Variants in CYP4F22 observed in about 807,000 individuals in gnomAD.
The protein encoded by CYP4F22 is cytochrome P450 family 4 subfamily F member 22.
A neutral mutation model predicts 60.4 loss-of-function variants in CYP4F22; 37 were observed. That is an observed-to-expected ratio of 0.61 (90% CI 0.47 to 0.81). The LOEUF (loss-of-function observed/expected upper bound fraction) is 0.81. CYP4F22 is among the 30% of genes least tolerant of loss of function. The pLI is 0.00. For synonymous variants in CYP4F22, 258 were observed against 280.5 expected (o/e 0.92, Z 0.80); for missense variants, 655 against 715.0 (o/e 0.92, Z 0.96).
chr19:15,537,217 C>A, intron 4 of CYP4F22, 144 bp from the exon 5 acceptor site: 1 of 1,066,802 alleles, frequency 9.4e-7, no homozygotes, highest in Non-Finnish European at 1.4e-6. Context: ...AGGAAAACTG[C>A]TTGAACCTGG....
intron 12 of CYP4F22, among the ~76,000 whole-genome samples, chr19:15,549,741 G>A (rs941873279): frequency 1.3e-5 from 2 of 151,812 alleles, no homozygotes; most frequent in Admixed American, 6.6e-5. Flanking sequence ...AAGATGGGAA[G>A]ATTGTTTGAG....
chr19:15,547,990 AGAGAGGGAGAGAGTGTGTGTGTGTGTGT>A, intron 10 of CYP4F22, 90 bp from the exon 11 acceptor site: 42 of 339,142 alleles, frequency 1.2e-4, no homozygotes, highest in Admixed American at 2.5e-4. Context: ...AGAGAGAGAG[AGAGAGGGAGAGAGTGTGTGTGTGTGTGT>A]GTGTGTGTGT....
intron 1 of CYP4F22, among the ~76,000 whole-genome samples, chr19:15,513,332 C>G (rs563981441): frequency 6.7e-6 from 1 of 148,176 alleles, no homozygotes; most frequent in African/African-American, 2.5e-5. Flanking sequence ...AATGCTGCCA[C>G]GCCCTGCTAA....
intron 1 of CYP4F22, chr19:15,516,718 GT>G: frequency 9.0e-6 from 5 of 556,062 alleles, no homozygotes; most frequent in South Asian, 2.0e-5. Context: ...CATTCTTGTT[GT>G]TTTTGGGGAA....
chr19:15,513,126 C>T (rs1014803702), intron 1 of CYP4F22, among the ~76,000 whole-genome samples: 5 of 151,960 alleles, frequency 3.3e-5, no homozygotes, highest in African/African-American at 7.3e-5. Flanking sequence ...GCAGGGGTAC[C>T]AGGCTTTCCA....
chr19:15,523,141 G>C (rs1287658830), intron 1 of CYP4F22, among the ~76,000 whole-genome samples: 1 of 149,988 alleles, frequency 6.7e-6, no homozygotes, highest in Non-Finnish European at 1.5e-5. Context: ...GATCACTTGA[G>C]GTCAGGAGTT....
chr19:15,513,100 A>C (rs1323834291), intron 1 of CYP4F22, among the ~76,000 whole-genome samples: 1 of 152,056 alleles, frequency 6.6e-6, no homozygotes, highest in Non-Finnish European at 1.5e-5. Flanking sequence ...CGATGAATGG[A>C]GGCAGTACTT....
intron 1 of CYP4F22, among the ~76,000 whole-genome samples, chr19:15,517,169 T>G (rs1345542660): frequency 6.6e-6 from 1 of 151,674 alleles, no homozygotes; most frequent in East Asian, 1.9e-4. Context: ...CTATTTTTTT[T>G]TGTGGGTGCC....
intron 4 of CYP4F22, among the ~76,000 whole-genome samples, chr19:15,535,379 G>A (rs1971384005): frequency 6.6e-6 from 1 of 152,224 alleles, no homozygotes; most frequent in Non-Finnish European, 1.5e-5. Context: ...ATGAATGGGG[G>A]GATGAGTGGG....
chr19:15,544,135 C>T lies in CYP4F22; in HGVS notation c.1007-15C>T, dbSNP rs745373585. The T allele has an allele frequency of 5.5e-5, 88 of 1,614,076 alleles. No individual in the cohort carries two copies. The highest frequency in any genetic ancestry group is 6.9e-5 in the Non-Finnish European group (82 of 1,180,056). On this transcript the variant is annotated splice_polypyrimidine_tract_variant and intron_variant, in intron 9 of 13. Transcript: ENST00000269703. ...TTCAGGCAGCCTCCATTCAGATACC[C>T]TCATCTCCCTGCAGGTCACGACACA...
intron 3 of CYP4F22, among the ~76,000 whole-genome samples, chr19:15,527,592 C>A (rs1456487566): frequency 1.3e-5 from 2 of 152,244 alleles, no homozygotes; most frequent in Non-Finnish European, 2.9e-5. Context: ...CTCTAAAGCC[C>A]AGCCTTGACG....
At chr19:15,515,347 C>T in intron 1 of CYP4F22, 2 of 1,199,638 alleles carry the variant, frequency 1.7e-6, no homozygotes, top group South Asian at 1.2e-5. Context: ...GGTTCAGCAC[C>T]TCCCACACAC....
At chr19:15,516,752 C>T in intron 1 of CYP4F22, 1 of 634,460 alleles carries the variant, frequency 1.6e-6, no homozygotes, top group South Asian at 2.2e-5. Flanking sequence ...AACCTGGAAT[C>T]CCTGGACTCT....
intron 3 of CYP4F22, among the ~76,000 whole-genome samples, chr19:15,528,281 A>C (rs767020067): frequency 6.6e-6 from 1 of 152,106 alleles, no homozygotes; most frequent in Non-Finnish European, 1.5e-5. Flanking sequence ...AGCAAGACCC[A>C]GTTTTTACAA....
chr19:15,514,365 A>T (rs1455172384), intron 1 of CYP4F22, among the ~76,000 whole-genome samples: 2 of 152,240 alleles, frequency 1.3e-5, no homozygotes, highest in African/African-American at 2.4e-5. Context: ...ATATAATTAG[A>T]TACAGTTGAG....
rs79348632 is a variant in CYP4F22 at position 15,519,265 on chromosome 19, T to A, written c.-108-4428T>A. On this transcript the variant is annotated intron_variant, in intron 1 of 13. Transcript: ENST00000269703. ...GCTCAAAGCAGACTGAGAATGGGAT[T>A]TTTTTTTTTTTTTTTGAGACAGAGT... Among the ~76,000 whole-genome samples the A allele has an allele frequency of 4.9e-3, 718 of 147,148 alleles. 11 individuals are homozygous for A. Among genetic ancestry groups the A allele is most frequent in the Non-Finnish European group, 6.0e-3 (395 of 66,332 alleles).
chr19:15,524,640 C>A (rs139202534), intron 2 of CYP4F22, among the ~76,000 whole-genome samples: 263 of 149,196 alleles, frequency 1.8e-3, no homozygotes, highest in African/African-American at 6.4e-3. Flanking sequence ...ACAGAGGAGA[C>A]CTTCTTTCAA....
chr19:15,510,966 A>ATATATATATTT (rs34055543), intron 1 of CYP4F22, among the ~76,000 whole-genome samples: 9 of 103,306 alleles, frequency 8.7e-5, no homozygotes, highest in African/African-American at 4.1e-4. Flanking sequence ...ATATATATAT[A>ATATATATATTT]TTTTTTTTTT....
At chr19:15,530,550 T>C (rs926234279) in intron 4 of CYP4F22, among the ~76,000 whole-genome samples, 6 of 152,152 alleles carry the variant, frequency 3.9e-5, no homozygotes, top group Admixed American at 3.9e-4. Flanking sequence ...CTCACGCTGC[T>C]ATGAAGGACT....
Sources: gnomAD v4.1 joint callset for allele counts (sites outside exome capture counted in the v4.1 genomes callset) on GRCh38, gnomAD v4.1.1 for gene constraint, MANE v1.5 for transcripts, NCBI Gene and HGNC (gene_info 2026-07-23, HGNC 2026-07-21) for gene names.